NAGPA: variants seen among roughly 807,000 people sequenced by gnomAD.
NAGPA encodes the protein N-acetylglucosamine-1-phosphodiester alpha-N-acetylglucosaminidase, also known as alpha-N-acetylglucosaminyl phosphodiesterase.
In NAGPA, 56 loss-of-function variants were observed where a neutral mutation model predicts 48.5. That is an observed-to-expected ratio of 1.15 (90% CI 0.93 to 1.44). NAGPA has a LOEUF of 1.44. NAGPA is among the 40% of genes most tolerant of loss of function. The pLI is 0.00. For missense variants in NAGPA, 888 were observed against 735.0 expected, an observed-to-expected ratio of 1.21 and a Z score of -2.41; for synonymous variants, 399 against 315.5, an observed-to-expected ratio of 1.26 and a Z score of -2.81.
Position 5,032,817 on chromosome 16 carries a change from C to G in NAGPA, c.542+456G>C, listed in dbSNP as rs576339301. 5.1e-4 allele frequency among the ~76,000 whole-genome samples: 78 copies of G among 152,310 alleles called. 1 individual carries two copies. The South Asian group carries it at 0.016, about 30-fold the overall frequency. ...TCCTTTGGACTGAAACGCTCTTCCTCCAGTTCTGACCTTGGCTCACTTAGT... is the reference window on the plus strand; with the variant it reads ...TCCTTTGGACTGAAACGCTCTTCCTGCAGTTCTGACCTTGGCTCACTTAGT... On this transcript the variant is annotated intron_variant, in intron 2 of 9. Coordinates refer to ENST00000312251, the MANE Select transcript of NAGPA (RefSeq NM_016256.4).
chr16:5,028,556 C>G (rs557610399), intron 5 of NAGPA: 1 of 556,032 alleles, frequency 1.8e-6, no homozygotes, highest in East Asian at 3.5e-5. Flanking sequence ...TTTATAGGTT[C>G]CTCCGCTCCC....
intron 7 of NAGPA, 152 bp downstream of exon 7, chr16:5,027,694 G>C (rs914417745): frequency 8.4e-7 from 1 of 1,195,294 alleles, no homozygotes; most frequent in Non-Finnish European, 1.2e-6. Context: ...AGCCACAGGG[G>C]AGTCACACAG....
Position 5,033,085 on chromosome 16 carries a change from T to C in NAGPA, c.542+188A>G. 3 of 710,700 alleles carry C rather than the reference T, an allele frequency of 4.2e-6. No homozygotes were observed. In the South Asian group the frequency reaches 5.4e-5, roughly 13 times the overall value. The allele number at this position is 710,700 out of a possible 1,614,324, so 44.0% of individuals were successfully genotyped here. A position where few individuals can be genotyped will look rare whatever the true frequency, so the allele number is the denominator to read the frequency against. ...TCTCACCGGGGCGCGGCACATTGCCTGATACAAGCAAGTGCTCAATGATAC... is the reference window on the plus strand; with the variant it reads ...TCTCACCGGGGCGCGGCACATTGCCCGATACAAGCAAGTGCTCAATGATAC... On this transcript the variant is annotated intron_variant, in intron 2 of 9. Coordinates refer to ENST00000312251, the MANE Select transcript of NAGPA (RefSeq NM_016256.4). The surrounding 1 kb of genome is among the most constrained non-coding windows in gnomAD (Gnocchi z 4.2).
chr16:5,030,732 C>A, intron 3 of NAGPA: 1 of 573,956 alleles, frequency 1.7e-6, no homozygotes, highest in Non-Finnish European at 3.1e-6. Context: ...TAATGGTTTC[C>A]CCTGTTCTTA....
chr16:5,029,362 C>G, intron 4 of NAGPA: 1 of 355,052 alleles, frequency 2.8e-6, no homozygotes, highest in South Asian at 2.2e-5. Context: ...GGCCGGACAA[C>G]TGGGGGAGAG....
rs375558950 is a variant in NAGPA at position 5,025,308 on chromosome 16, A to C, written c.*170T>G. The C allele has an allele frequency of 9.1e-5, 68 of 747,890 alleles. No individual in the cohort carries two copies. Among genetic ancestry groups the C allele is most frequent in the East Asian group, 8.9e-4 (36 of 40,674 alleles). The allele number at this position is 747,890 out of a possible 1,614,324, so 46.3% of individuals were successfully genotyped here. On this transcript the variant is annotated 3_prime_UTR_variant, in exon 10 of 10. Transcript: ENST00000312251. ...TTGCTAGGGTTGCAGGTGCCCTGGC[A>C]GGTGGCCAGGTGAGGGGCTGAGGCA... is the stretch of plus-strand genomic sequence containing the variant.
In NAGPA at chr16:5,033,910, G is replaced by A. The variant is rs1054520738; in HGVS notation, c.5C>T (p.Ala2Val). Residue 2 changes from alanine to valine, a missense_variant, in exon 1 of 10, where the codon GCG becomes GTG. Physicochemically the swap from Ala to Val is moderately conservative, Grantham distance 64. Transcript: ENST00000312251. The surrounding 1 kb of genome is among the most constrained non-coding windows in gnomAD (Gnocchi z 4.2). ...GAGAAGCCAGCGACCCGTGGAGGTC[G>A]CCATATTGGACCGGGGCCTCGGGTC... MATSTGRWLLLR... is the reference protein window; with the variant it reads MVTSTGRWLLLR... 6.5e-7 allele frequency: 1 copy of A among 1,549,156 alleles called. No homozygotes were observed. Among genetic ancestry groups the A allele is most frequent in the Non-Finnish European group, 8.7e-7 (1 of 1,146,886 alleles).
intron 2 of NAGPA, among the ~76,000 whole-genome samples, chr16:5,032,522 T>C (rs1323529083): frequency 6.8e-6 from 1 of 146,856 alleles, no homozygotes; most frequent in Non-Finnish European, 1.5e-5. Context: ...CTACTAAAAA[T>C]ACAAAAATCA....
rs1466855177 is a variant in NAGPA, at chr16:5,025,397, T to C, written c.*81A>G. ...AGGACACCCAGATGGTCCACGCCAG[T>C]GGCCTTGAAATTTCCCCTGCAGAAG... On this transcript the variant is annotated 3_prime_UTR_variant, in exon 10 of 10. Coordinates refer to ENST00000312251, the MANE Select transcript of NAGPA (RefSeq NM_016256.4). 4.9e-5 allele frequency: 76 copies of C among 1,540,186 alleles called. No homozygotes were observed. The highest frequency in any genetic ancestry group is 6.6e-5 in the Non-Finnish European group (74 of 1,125,932).
At chr16:5,030,221 C>A (rs769036655) in intron 4 of NAGPA, 164 bp downstream of exon 4, 9 of 678,728 alleles carry the variant, frequency 1.3e-5, no homozygotes, top group Non-Finnish European at 2.3e-5. Flanking sequence ...GCAAAGATCT[C>A]AGAACCCTCA....
rs148598206 is a variant in NAGPA at position 5,031,619 on chromosome 16, G to T, written c.682+126C>A. ...CTATCTTCCTCCCCATGAATCCCCA[G>T]TACCCAGAATAGTGCTGGGCACAAA... On this transcript the variant is annotated intron_variant, in intron 3 of 9. Transcript: ENST00000312251. 10,441 of 1,287,016 alleles carry T rather than the reference G, an allele frequency of 8.1e-3. 64 individuals carry two copies. The highest frequency in any genetic ancestry group is 9.4e-3 in the Non-Finnish European group (8,347 of 884,050). 79.7% of individuals were successfully genotyped at this position (1,287,016 alleles called of 1,614,324 possible).
chr16:5,027,516 C>T, intron 7 of NAGPA, 137 bp from the exon 8 acceptor site: 2 of 921,780 alleles, frequency 2.2e-6, no homozygotes, highest in Non-Finnish European at 3.4e-6. Flanking sequence ...GCACCCCCTG[C>T]CCTCCCTGGA....
intron 7 of NAGPA, 110 bp downstream of exon 7, chr16:5,027,736 A>G: frequency 1.4e-6 from 2 of 1,466,022 alleles, no homozygotes; most frequent in South Asian, 1.2e-5. Context: ...GCAGAAGACA[A>G]GAGGCAAGCA....
intron 5 of NAGPA, chr16:5,028,541 A>G: frequency 1.8e-6 from 1 of 566,212 alleles, no homozygotes; most frequent in Non-Finnish European, 3.2e-6. Context: ...AGCCCTCTCC[A>G]GTCTTTTATA....
chr16:5,025,956 T>G (rs1292609541), intron 9 of NAGPA, among the ~76,000 whole-genome samples: 1 of 144,212 alleles, frequency 6.9e-6, no homozygotes, highest in Non-Finnish European at 1.5e-5. Context: ...TGAGACAGAG[T>G]CTCGCCCTGT....
intron 9 of NAGPA, among the ~76,000 whole-genome samples, 198 bp downstream of exon 9, chr16:5,026,937 C>T (rs955508250): frequency 7.2e-5 from 11 of 152,178 alleles, no homozygotes; most frequent in Non-Finnish European, 1.5e-4. Context: ...GGGATGCTGA[C>T]AACAGAGGCT....
Position 5,027,525 on chromosome 16 carries a change from G to A in NAGPA, c.1175-146C>T. 8.1e-6 allele frequency: 7 copies of A among 863,918 alleles called. No homozygotes were observed. In the South Asian group the frequency reaches 1.1e-4, roughly 13 times the overall value. 53.5% of individuals were successfully genotyped at this position (863,918 alleles called of 1,614,324 possible). A position where few individuals can be genotyped will look rare whatever the true frequency, so the allele number is the denominator to read the frequency against. On this transcript the variant is annotated intron_variant, in intron 7 of 9. Transcript: ENST00000312251. ...GGTGAAGCACCCCCTGCCCTCCCTG[G>A]ACTAGCCCCTGAACGTGACCTTATT...
chr16:5,032,111 C>G (rs1380459323), intron 2 of NAGPA, among the ~76,000 whole-genome samples: 1 of 152,116 alleles, frequency 6.6e-6, no homozygotes, highest in African/African-American at 2.4e-5. Context: ...CAAGCCTTTG[C>G]AAACAGTCTG....
intron 4 of NAGPA, chr16:5,029,416 C>T (rs2937110): frequency 0.33 from 91,458 of 280,632 alleles, 15,514 homozygotes; most frequent in Middle Eastern, 0.42. Flanking sequence ...GGAGCTGAGG[C>T]CCCAGATGGC....
Sources: gnomAD v4.1 joint callset for allele counts (sites outside exome capture counted in the v4.1 genomes callset) on GRCh38, gnomAD v4.1.1 for gene constraint, Gnocchi (gnomAD v3.1) non-coding constraint, MANE v1.5 for transcripts, NCBI Gene and HGNC (gene_info 2026-07-23, HGNC 2026-07-21) for gene names.